The following HCN1 variants were observed in gnomAD, a reference collection of about 807,000 sequenced individuals.
HCN1 encodes the protein potassium/sodium hyperpolarization-activated cyclic nucleotide-gated channel 1.
HCN1 carries 13 observed loss-of-function variants against 78.9 expected under a neutral mutation model. The observed-to-expected ratio is 0.16, with a 90% confidence interval of 0.11 to 0.26. The LOEUF (loss-of-function observed/expected upper bound fraction) is 0.26, where lower values mean the gene tolerates loss of function less well. HCN1 is among the 10% of genes least tolerant of loss of function. The pLI is 1.00. For synonymous variants in HCN1, 552 were observed against 455.5 expected (o/e 1.21, Z -2.70); for missense variants, 810 against 1,154.3 (o/e 0.70, Z 4.32).
At chr5:45,472,254 C>A (rs915882791) in intron 2 of HCN1, among the ~76,000 whole-genome samples, 1 of 151,804 alleles carries the variant, frequency 6.6e-6, no homozygotes, top group Non-Finnish European at 1.5e-5. Context: ...TGACCTTATT[C>A]ATACTCAAAT....
rs1410892150 is a variant in HCN1, at chr5:45,696,241, G to T, written c.-148C>A. On this transcript the variant is annotated 5_prime_UTR_variant, in exon 1 of 8. Transcript: ENST00000303230. ...GGCGGCGGCGGCGGCGGCGGCGGCTGCTGCTTCCCGACCGCGCCGCTGCTA... is the reference window on the plus strand; with the variant it reads ...GGCGGCGGCGGCGGCGGCGGCGGCTTCTGCTTCCCGACCGCGCCGCTGCTA... 5.0e-6 allele frequency: 1 copy of T among 199,416 alleles called. No homozygotes were observed. Among genetic ancestry groups the T allele is most frequent in the Non-Finnish European group, 9.1e-6 (1 of 110,278 alleles). 12.4% of individuals were successfully genotyped at this position (199,416 alleles called of 1,614,324 possible).
intron 1 of HCN1, among the ~76,000 whole-genome samples, chr5:45,670,680 A>C (rs1210372118): frequency 6.6e-6 from 1 of 151,678 alleles, no homozygotes; most frequent in Non-Finnish European, 1.5e-5. Context: ...ATCCAACATA[A>C]ACTTTATTGC....
intron 2 of HCN1, among the ~76,000 whole-genome samples, chr5:45,597,048 A>G (rs1355874781): frequency 6.6e-6 from 1 of 152,122 alleles, no homozygotes; most frequent in Non-Finnish European, 1.5e-5. Flanking sequence ...AAGAGGGAAT[A>G]CTCCCTAACT....
intron 2 of HCN1, among the ~76,000 whole-genome samples, chr5:45,470,994 G>A (rs1325418071): frequency 6.6e-6 from 1 of 151,886 alleles, no homozygotes; most frequent in East Asian, 1.9e-4. Flanking sequence ...GGTTAGAAGA[G>A]TAGGTACATG....
At position 45,352,411 on chromosome 5, in the gene HCN1, T is replaced by C. The variant is rs552834413; in HGVS notation, c.1377+689A>G. 5.3e-5 allele frequency among the ~76,000 whole-genome samples: 8 copies of C among 151,822 alleles called. No homozygotes were observed. In the South Asian group the frequency reaches 1.7e-3, roughly 32 times the overall value. ...GAGGGGGAGGGATAGCATTAGGAGA[T>C]ATACCTAATGCTAAATGACGAGTTA... is the stretch of plus-strand genomic sequence containing the variant. On this transcript the variant is annotated intron_variant, in intron 5 of 7. Transcript: ENST00000303230.
rs193159899 is a variant in HCN1 at position 45,620,104 on chromosome 5, C to T, written c.849+25081G>A. On this transcript the variant is annotated intron_variant, in intron 2 of 7. Transcript: ENST00000303230. ...ATAATGCAGTCTAACCATAAGAAAA[C>T]ATTGTAAAAGAACAAATTCTACAAA... Among the ~76,000 whole-genome samples the T allele has an allele frequency of 2.7e-4, 41 of 152,134 alleles. 1 individual carries two copies. In the East Asian group the frequency reaches 6.8e-3, roughly 25 times the overall value.
At chr5:45,625,746 T>TTTA (rs1745152215) in intron 2 of HCN1, among the ~76,000 whole-genome samples, 1 of 152,040 alleles carries the variant, frequency 6.6e-6, no homozygotes, top group South Asian at 2.1e-4. Flanking sequence ...ATTTCAAAAT[T>TTTA]GTAATGAGCT....
At chr5:45,340,573 C>A (rs1330148429) in intron 5 of HCN1, among the ~76,000 whole-genome samples, 1 of 152,168 alleles carries the variant, frequency 6.6e-6, no homozygotes, top group East Asian at 1.9e-4. Context: ...AGAATCCAAT[C>A]TGGTTCCAGT....
chr5:45,436,430 G>T (rs1200903661), intron 3 of HCN1, among the ~76,000 whole-genome samples: 1 of 152,088 alleles, frequency 6.6e-6, no homozygotes, highest in East Asian at 1.9e-4. Context: ...CTTCATATGG[G>T]AGGCTAATTC....
At chr5:45,386,136 T>C (rs752247193) in intron 4 of HCN1, among the ~76,000 whole-genome samples, 1 of 152,082 alleles carries the variant, frequency 6.6e-6, no homozygotes, top group Non-Finnish European at 1.5e-5. Flanking sequence ...TTATACTTAT[T>C]GTACTTACCA....
intron 5 of HCN1, among the ~76,000 whole-genome samples, chr5:45,335,061 A>T (rs1000458730): frequency 1.3e-5 from 2 of 152,008 alleles, no homozygotes; most frequent in African/African-American, 4.8e-5. Flanking sequence ...TGAAAATGAA[A>T]TATACTGACA....
intron 3 of HCN1, among the ~76,000 whole-genome samples, chr5:45,401,457 T>C (rs1355681539): frequency 6.6e-6 from 1 of 152,128 alleles, no homozygotes; most frequent in African/African-American, 2.4e-5. Context: ...ATTGACCTTC[T>C]AATCATATAA....
chr5:45,408,314 C>G (rs1739964441), intron 3 of HCN1, among the ~76,000 whole-genome samples: 1 of 152,134 alleles, frequency 6.6e-6, no homozygotes, highest in Non-Finnish European at 1.5e-5. Flanking sequence ...GTCATGCAAG[C>G]TCTATTCACG....
At chr5:45,654,142 CTT>C (rs1745726595) in intron 1 of HCN1, among the ~76,000 whole-genome samples, 1 of 152,056 alleles carries the variant, frequency 6.6e-6, no homozygotes, top group African/African-American at 2.4e-5. Flanking sequence ...ACAAGTTTCA[CTT>C]TGCAGAATCC....
At chr5:45,654,999 A>G (rs1475719694) in intron 1 of HCN1, among the ~76,000 whole-genome samples, 1 of 152,110 alleles carries the variant, frequency 6.6e-6, no homozygotes, top group Admixed American at 6.6e-5. Context: ...AAGAATCTTT[A>G]TGCTCTTTAT....
chr5:45,553,012 A>G (rs1743397605), intron 2 of HCN1, among the ~76,000 whole-genome samples: 1 of 151,966 alleles, frequency 6.6e-6, no homozygotes, highest in Non-Finnish European at 1.5e-5. Flanking sequence ...TATGCTGATT[A>G]CTTCAAACTC....
chr5:45,331,766 C>T (rs1475336597), intron 5 of HCN1, among the ~76,000 whole-genome samples: 1 of 151,400 alleles, frequency 6.6e-6, no homozygotes, highest in African/African-American at 2.4e-5. Flanking sequence ...TGCTGTTCTA[C>T]ATAAAGTCGA....
intron 4 of HCN1, among the ~76,000 whole-genome samples, chr5:45,361,752 A>G (rs1349613392): frequency 6.6e-6 from 1 of 152,216 alleles, no homozygotes; most frequent in Non-Finnish European, 1.5e-5. Context: ...GAAGTTGTTT[A>G]CACTACATAG....
At chr5:45,589,648 C>T (rs1472779443) in intron 2 of HCN1, among the ~76,000 whole-genome samples, 10 of 152,086 alleles carry the variant, frequency 6.6e-5, no homozygotes, top group Admixed American at 6.5e-4. Flanking sequence ...TTTGCCTTGT[C>T]CTATATGTGC....
Sources: allele counts gnomAD v4.1 joint callset (sites outside exome capture counted in the v4.1 genomes callset), GRCh38; gene constraint gnomAD v4.1.1; transcripts MANE v1.5; gene names NCBI Gene and HGNC (gene_info 2026-07-23, HGNC 2026-07-21).